Variants in TYR observed in about 807,000 individuals in gnomAD.
TYR encodes LB24-AB.
In TYR, 58 loss-of-function variants were observed where a neutral mutation model predicts 51.5. The ratio of observed to expected loss-of-function variants is 1.13; its 90% CI spans 0.91 to 1.40. The LOEUF is 1.40. TYR is among the 40% of genes most tolerant of loss of function. The pLI is 0.00. For synonymous variants in TYR, 263 were observed against 235.2 expected (o/e 1.12, Z -1.08); for missense variants, 732 against 647.4 (o/e 1.13, Z -1.42).
rs572702223 is a variant in TYR at position 89,179,462 on chromosome 11, G to A, written c.819+690G>A. 5.3e-5 allele frequency among the ~76,000 whole-genome samples: 8 copies of A among 152,064 alleles called. No homozygotes were observed. The South Asian group carries it at 6.2e-4, about 12-fold the overall frequency. The stretch of plus-strand genomic sequence containing the variant: ...CCGTGGCAAGTGTTTTTGTGCATTC[G>A]TTCATTTCATGCTCTTATCAGTCTT... On this transcript the variant is annotated intron_variant, in intron 1 of 4. Coordinates refer to ENST00000263321, the MANE Select transcript of TYR (RefSeq NM_000372.5).
intron 2 of TYR, among the ~76,000 whole-genome samples, chr11:89,207,971 A>C (rs185292260): frequency 3.2e-4 from 49 of 152,300 alleles, no homozygotes; most frequent in African/African-American, 1.2e-3. Context: ...ATTAACTCAA[A>C]ATAAAAAGTT....
At chr11:89,187,662 T>C (rs1439405034) in intron 1 of TYR, among the ~76,000 whole-genome samples, 4 of 152,128 alleles carry the variant, frequency 2.6e-5, no homozygotes, top group Non-Finnish European at 5.9e-5. Context: ...AAACTATAAA[T>C]GTTTGATGAA....
At chr11:89,242,038 T>C (rs1204636047) in intron 3 of TYR, among the ~76,000 whole-genome samples, 3 of 152,068 alleles carry the variant, frequency 2.0e-5, no homozygotes, top group Non-Finnish European at 4.4e-5. Context: ...CCATAGATTA[T>C]ATCATAAATA....
At position 89,178,570 on chromosome 11, in the gene TYR, C is replaced by T; in HGVS notation, c.617C>T (p.Ala206Val). The change falls in exon 1 of 5, where the codon GCT becomes GTT. Residue 206 changes from alanine (A) to valine (V), a missense_variant. By Grantham distance (64) the Ala-to-Val change is moderately conservative. Coordinates refer to ENST00000263321, the MANE Select transcript of TYR (RefSeq NM_000372.5). ...RDIDFAHEAP[A>V]FLPWHRLFLL... Reference sequence around the variant, plus strand: ...ATTGATTTTGCCCATGAAGCACCAGCTTTTCTGCCTTGGCATAGACTCTTC... The same window carrying T: ...ATTGATTTTGCCCATGAAGCACCAGTTTTTCTGCCTTGGCATAGACTCTTC... 6.2e-7 allele frequency: 1 copy of T among 1,614,156 alleles called. No individual in the cohort carries two copies. Among genetic ancestry groups the T allele is most frequent in the African/African-American group, 1.3e-5 (1 of 75,054 alleles).
chr11:89,180,914 C>G (rs969189336), intron 1 of TYR, among the ~76,000 whole-genome samples: 1 of 152,046 alleles, frequency 6.6e-6, no homozygotes, highest in Admixed American at 6.6e-5. Context: ...TCAGAGTTCT[C>G]AATGTCAAAA....
intron 3 of TYR, among the ~76,000 whole-genome samples, chr11:89,260,838 G>A (rs1442290773): frequency 3.3e-5 from 5 of 152,118 alleles, no homozygotes. Context: ...CCTGGGCCAT[G>A]GGCTGCTACT....
chr11:89,207,213 TGAC>T (rs1943683835), intron 2 of TYR, among the ~76,000 whole-genome samples: 1 of 151,902 alleles, frequency 6.6e-6, no homozygotes, highest in African/African-American at 2.4e-5. Flanking sequence ...TTAATAAAAT[TGAC>T]GAATTAGCAA....
intron 2 of TYR, among the ~76,000 whole-genome samples, chr11:89,210,965 C>A (rs1015855043): frequency 6.6e-6 from 1 of 152,114 alleles, no homozygotes; most frequent in Non-Finnish European, 1.5e-5. Context: ...GAAGGAAGCA[C>A]TAAACATGAA....
chr11:89,234,749 G>GATTCA (rs1944089467), intron 3 of TYR, among the ~76,000 whole-genome samples: 1 of 105,942 alleles, frequency 9.4e-6, no homozygotes, highest in Admixed American at 8.9e-5. Flanking sequence ...TTTTAACATT[G>GATTCA]GCACTGTTTG....
At position 89,203,702 on chromosome 11, in the gene TYR, A is replaced by G. The variant is rs1169755399; in HGVS notation, c.1036+12284A>G. Among the ~76,000 whole-genome samples the G allele has an allele frequency of 2.6e-5, 4 of 152,272 alleles. No individual in the cohort carries two copies. The East Asian group carries it at 7.8e-4, about 30-fold the overall frequency. On this transcript the variant is annotated intron_variant, in intron 2 of 4. Coordinates refer to ENST00000263321, the MANE Select transcript of TYR (RefSeq NM_000372.5). ...GTTTTATTTTCCTCATATATTCAAG[A>G]TTTGGAGCTGAAGAAGCTTGTAACC...
At chr11:89,291,902 G>A (rs188033604) in intron 4 of TYR, among the ~76,000 whole-genome samples, 137 of 151,910 alleles carry the variant, frequency 9.0e-4, no homozygotes, top group South Asian at 2.3e-3. Flanking sequence ...TCTCAGTATA[G>A]TATTATCATA....
intron 3 of TYR, among the ~76,000 whole-genome samples, chr11:89,276,701 C>T (rs1023775705): frequency 5.3e-5 from 8 of 151,744 alleles, no homozygotes; most frequent in Admixed American, 5.3e-4. Context: ...AAACAGCTTA[C>T]ATTTCAAGAT....
chr11:89,239,901 A>G (rs537365258), intron 3 of TYR, among the ~76,000 whole-genome samples: 2 of 152,198 alleles, frequency 1.3e-5, no homozygotes, highest in African/African-American at 2.4e-5. Context: ...GTCAGAAAAG[A>G]TACTTGATTA....
Position 89,227,936 on chromosome 11 carries a change from C to G in TYR, c.1150C>G (p.Pro384Ala). 6 of 1,613,468 alleles carry G rather than the reference C, an allele frequency of 3.7e-6. No homozygotes were observed. Among genetic ancestry groups the G allele is most frequent in the Non-Finnish European group, 5.1e-6 (6 of 1,179,672 alleles). The change falls in exon 3 of 5, where the codon CCT becomes GCT. Residue 384 changes from proline (P) to alanine (A), a missense_variant. Coordinates refer to ENST00000263321, the MANE Select transcript of TYR (RefSeq NM_000372.5). ...CCAGGTACAGGGATCTGCCAACGAT[C>G]CTATCTTCCTTCTTCACCATGCATT... ...MSQVQGSAND[P>A]IFLLHHAFVD...
At chr11:89,198,255 A>C (rs992577953) in intron 2 of TYR, among the ~76,000 whole-genome samples, 3 of 152,166 alleles carry the variant, frequency 2.0e-5, no homozygotes, top group African/African-American at 4.8e-5. Flanking sequence ...AGATTCAAAA[A>C]ATAAATTCAT....
At chr11:89,280,836 A>G (rs1008179339) in intron 3 of TYR, among the ~76,000 whole-genome samples, 1 of 151,650 alleles carries the variant, frequency 6.6e-6, no homozygotes, top group African/African-American at 2.4e-5. Flanking sequence ...GAGTTGCACA[A>G]TGTTTAAATG....
chr11:89,205,871 T>C (rs1033904480), intron 2 of TYR, among the ~76,000 whole-genome samples: 4 of 152,170 alleles, frequency 2.6e-5, no homozygotes, highest in African/African-American at 9.7e-5. Flanking sequence ...TAAAATTTTA[T>C]GTCATTCATC....
chr11:89,221,830 A>G (rs1431041048), intron 2 of TYR, among the ~76,000 whole-genome samples: 1 of 152,214 alleles, frequency 6.6e-6, no homozygotes, highest in Non-Finnish European at 1.5e-5. Context: ...ATGCACTTAA[A>G]TGAAATGCAA....
chr11:89,198,910 T>TTACCCC (rs1443622427), intron 2 of TYR, among the ~76,000 whole-genome samples: 1 of 152,036 alleles, frequency 6.6e-6, no homozygotes, highest in African/African-American at 2.4e-5. Flanking sequence ...TCCCTTCCCC[T>TTACCCC]TACCCCTACC....
Sources: allele counts gnomAD v4.1 joint callset (sites outside exome capture counted in the v4.1 genomes callset), GRCh38; gene constraint gnomAD v4.1.1; transcripts MANE v1.5; gene names NCBI Gene and HGNC (gene_info 2026-07-23, HGNC 2026-07-21).